CLUL1: variants seen among roughly 807,000 people sequenced by gnomAD.
CLUL1 encodes clusterin-like protein 1.
In CLUL1, 43 loss-of-function variants were observed where a neutral mutation model predicts 49.4. The ratio of observed to expected loss-of-function variants is 0.87; its 90% confidence interval spans 0.68 to 1.12. The LOEUF (loss-of-function observed/expected upper bound fraction) is 1.12, where lower values mean the gene tolerates loss of function less well. CLUL1 is among the 50% of genes most tolerant of loss of function. The pLI is 0.00. For synonymous variants in CLUL1, 192 were observed against 184.9 expected, an observed-to-expected ratio of 1.04 and a Z score of -0.31; for missense variants, 486 against 544.4, an observed-to-expected ratio of 0.89 and a Z score of 1.07.
intron 1 of CLUL1, among the ~76,000 whole-genome samples, chr18:604,665 A>G (rs112398639): frequency 3.2e-4 from 49 of 152,332 alleles, no homozygotes; most frequent in African/African-American, 1.2e-3. Flanking sequence ...AGTGATGCAG[A>G]ATTTTTTGCT....
At chr18:604,908 C>A (rs977489194) in intron 1 of CLUL1, among the ~76,000 whole-genome samples, 4 of 152,190 alleles carry the variant, frequency 2.6e-5, no homozygotes, top group African/African-American at 9.7e-5. Context: ...TTCCTGGTGG[C>A]TCCACCGCCC....
chr18:641,466 G>T lies in CLUL1; in HGVS notation c.1134G>T (p.Met378Ile), dbSNP rs2074343241. The T allele has an allele frequency of 1.2e-6, 2 of 1,614,202 alleles. No individual in the cohort carries two copies. The highest frequency in any genetic ancestry group is 1.7e-6 in the Non-Finnish European group (2 of 1,180,028). The change falls in exon 8 of 10, where the codon ATG (methionine) becomes ATT (isoleucine). Residue 378 changes from methionine (M) to isoleucine (I), a missense_variant. Transcript: ENST00000692774. ...LEDTAYLVEK[M>I]RGQFGWVSEL... ...ACACCGCCTATCTGGTGGAGAAGAT[G>T]AGAGGGCAATTTGGCTGGGTGTCTG...
intron 1 of CLUL1, among the ~76,000 whole-genome samples, chr18:603,430 A>AC (rs2072883944): frequency 1.3e-5 from 2 of 152,210 alleles, no homozygotes; most frequent in Non-Finnish European, 2.9e-5. Flanking sequence ...AAGAAAATGC[A>AC]CAGCACAGTG....
intron 1 of CLUL1, among the ~76,000 whole-genome samples, chr18:604,138 C>T (rs911503597): frequency 6.6e-6 from 1 of 152,224 alleles, no homozygotes; most frequent in Non-Finnish European, 1.5e-5. Flanking sequence ...GCCTTGGCCT[C>T]CCAAAATGCT....
chr18:645,529 CT>C (rs2074446893), intron 9 of CLUL1, among the ~76,000 whole-genome samples: 1 of 151,926 alleles, frequency 6.6e-6, no homozygotes, highest in East Asian at 1.9e-4. Context: ...GGCGCAGTGG[CT>C]CATGCCTGTA....
rs546645452 is a variant in CLUL1, at chr18:644,019, A to C, written c.1210-891A>C. On this transcript the variant is annotated intron_variant, in intron 8 of 9. Coordinates refer to ENST00000692774, the MANE Select transcript of CLUL1 (RefSeq NM_001393344.1). ...GCTCCTATTTCACCATGTAAAGAAA[A>C]GTACAAACCCATAAAATAGCAAGTG... Among the ~76,000 whole-genome samples the C allele has an allele frequency of 2.1e-3, 317 of 152,366 alleles. 1 individual carries two copies. Among genetic ancestry groups the C allele is most frequent in the African/African-American group, 7.1e-3 (295 of 41,592 alleles).
At chr18:628,557 C>T (rs2073881236) in intron 6 of CLUL1, among the ~76,000 whole-genome samples, 1 of 152,048 alleles carries the variant, frequency 6.6e-6, no homozygotes. Context: ...CTGTATTGAC[C>T]CCTAAGCCAG....
At chr18:625,063 A>C (rs2073640668) in intron 5 of CLUL1, 31 bp downstream of exon 5, 5 of 1,605,076 alleles carry the variant, frequency 3.1e-6, no homozygotes, top group Non-Finnish European at 3.4e-6. Flanking sequence ...AAGATTTCAC[A>C]GTTCTTGAGG....
chr18:631,027 CT>C lies in CLUL1; in HGVS notation c.857-2270del, dbSNP rs1219249478. 2.6e-5 allele frequency among the ~76,000 whole-genome samples: 4 copies of C among 152,224 alleles called. No homozygotes were observed. The East Asian group carries it at 7.7e-4, about 29-fold the overall frequency. On this transcript the variant is annotated intron_variant, in intron 6 of 9. Coordinates refer to ENST00000692774, the MANE Select transcript of CLUL1 (RefSeq NM_001393344.1). ...AATAATAGTAACTGACCAACATTTA[CT>C]GAGCAAGTTCCGTGTGGCAACCTTC...
At position 626,928 on chromosome 18, in the gene CLUL1, AAGGAAAGAAGGAAAG is replaced by A. The variant is rs1567966660; in HGVS notation, c.424-167_424-153del. On this transcript the variant is annotated intron_variant, in intron 5 of 9. Transcript: ENST00000692774. ...GAAAGAAAGAAAGAAAGAAAGAAAG[AAGGAAAGAAGGAAAG>A]AAGGAAGGAAGGAAGGAAGGAAGGA... 9.5e-4 allele frequency among the ~76,000 whole-genome samples: 22 copies of A among 23,272 alleles called. 4 individuals are homozygous for A. The highest frequency in any genetic ancestry group is 4.4e-3 in the African/African-American group (22 of 5,036). The allele number at this position is 23,272 out of a possible 152,430, so 15.3% of individuals were successfully genotyped here.
chr18:634,918 C>G (rs1188615473), intron 7 of CLUL1, among the ~76,000 whole-genome samples: 1 of 152,158 alleles, frequency 6.6e-6, no homozygotes, highest in Admixed American at 6.5e-5. Context: ...AAAACAAGAG[C>G]TTTTGATTCC....
intron 2 of CLUL1, among the ~76,000 whole-genome samples, chr18:608,090 A>G (rs575417885): frequency 8.5e-5 from 13 of 152,278 alleles, no homozygotes; most frequent in African/African-American, 2.9e-4. Flanking sequence ...ATGCCAGACT[A>G]AAGCAGAGTG....
chr18:623,502 C>T (rs981348537), intron 4 of CLUL1, among the ~76,000 whole-genome samples: 27 of 151,928 alleles, frequency 1.8e-4, no homozygotes, highest in African/African-American at 5.1e-4. Context: ...AAAATTAGCC[C>T]GGCATGGTGG....
At chr18:648,713 G>T (rs551041491) in intron 9 of CLUL1, among the ~76,000 whole-genome samples, 1 of 152,340 alleles carries the variant, frequency 6.6e-6, no homozygotes, top group African/African-American at 2.4e-5. Context: ...CAGGATTGCA[G>T]TGGCATGATC....
intron 1 of CLUL1, among the ~76,000 whole-genome samples, chr18:602,222 G>T (rs77692249): frequency 0.034 from 5,106 of 152,256 alleles, 176 homozygotes; most frequent in South Asian, 0.17. Context: ...CTACATGTGG[G>T]GCTACAGGGA....
intron 1 of CLUL1, among the ~76,000 whole-genome samples, chr18:599,334 C>T (rs1404138939): frequency 6.6e-6 from 1 of 152,110 alleles, no homozygotes; most frequent in Non-Finnish European, 1.5e-5. Flanking sequence ...TGATCCTTAT[C>T]TTATTTATCT....
chr18:633,422 T>C lies in CLUL1; in HGVS notation c.981T>C (p.Ala327=). 1 of 1,613,744 alleles carries C rather than the reference T, an allele frequency of 6.2e-7. No individual in the cohort carries two copies. Among genetic ancestry groups the C allele is most frequent in the South Asian group, 1.1e-5 (1 of 91,020 alleles). Residue 327 remains alanine, a synonymous_variant, in exon 7 of 10, where the codon GCT becomes GCC. Coordinates refer to ENST00000692774, the MANE Select transcript of CLUL1 (RefSeq NM_001393344.1). ...KFHEKCQKCQ[A]HLSEDCPDVP... ...ATGAAAAATGCCAAAAATGTCAGGCTCACCTATCTGAAGGTAAATAATTGC... is the reference window on the plus strand; with the variant it reads ...ATGAAAAATGCCAAAAATGTCAGGCCCACCTATCTGAAGGTAAATAATTGC...
In CLUL1 at chr18:643,048, C is replaced by T. The variant is rs181739274; in HGVS notation, c.1209+1507C>T. Among the ~76,000 whole-genome samples, 17 of 152,228 alleles carry T rather than the reference C, an allele frequency of 1.1e-4. No individual in the cohort carries two copies. The East Asian group carries it at 3.3e-3, about 29-fold the overall frequency. ...AGCATTTCCCTCTTTTTTCAAACTA[C>T]AAAGCTGTGGATCATGCCTGATTTG... On this transcript the variant is annotated intron_variant, in intron 8 of 9. Transcript: ENST00000692774.
intron 1 of CLUL1, among the ~76,000 whole-genome samples, chr18:601,452 G>A (rs1047232345): frequency 3.3e-5 from 5 of 152,190 alleles, no homozygotes; most frequent in South Asian, 4.2e-4. Context: ...AGACCAGCCT[G>A]GCCAATATGG....
Sources: allele counts gnomAD v4.1 joint callset (sites outside exome capture counted in the v4.1 genomes callset), GRCh38; gene constraint gnomAD v4.1.1; transcripts MANE v1.5; gene names NCBI Gene and HGNC (gene_info 2026-07-23, HGNC 2026-07-21).